Variants in SPATA22 observed in about 807,000 individuals in gnomAD.
SPATA22 encodes the protein spermatogenesis associated 22.
In SPATA22, 29 loss-of-function variants were observed where a neutral mutation model predicts 47.8. The ratio of observed to expected loss-of-function variants is 0.61; its 90% CI spans 0.45 to 0.83. The LOEUF is 0.83. SPATA22 is among the 40% of genes least tolerant of loss of function. The pLI is 0.00. For synonymous variants in SPATA22, 133 were observed against 140.9 expected (o/e 0.94, Z 0.40); for missense variants, 410 against 421.7 (o/e 0.97, Z 0.24).
chr17:3,493,851 T>A lies in SPATA22; in HGVS notation c.-74+19561A>T, dbSNP rs894506809. 1.7e-4 allele frequency among the ~76,000 whole-genome samples: 26 copies of A among 152,290 alleles called. No homozygotes were observed. In the South Asian group the frequency reaches 1.9e-3, roughly 11 times the overall value. On this transcript the variant is annotated intron_variant, in intron 1 of 8. Transcript: ENST00000541913. ...CTTTTTCAGTTCTGTTTTCTACCTCTGGCCGTCGGCGTGTTTGTGGACAGA... is the reference window on the plus strand; with the variant it reads ...CTTTTTCAGTTCTGTTTTCTACCTCAGGCCGTCGGCGTGTTTGTGGACAGA...
intron 1 of SPATA22, among the ~76,000 whole-genome samples, chr17:3,505,365 A>G (rs557028769): frequency 2.8e-4 from 42 of 152,380 alleles, no homozygotes; most frequent in African/African-American, 8.2e-4. Context: ...CACTTCACGC[A>G]TAGAAGGAGC....
intron 1 of SPATA22, among the ~76,000 whole-genome samples, chr17:3,483,334 T>A (rs1440069606): frequency 6.6e-6 from 1 of 152,228 alleles, no homozygotes; most frequent in Non-Finnish European, 1.5e-5. Context: ...TATTTGTATG[T>A]TTTCAAAGCT....
chr17:3,499,137 G>A (rs1367417366), intron 1 of SPATA22: 1 of 1,574,664 alleles, frequency 6.4e-7, no homozygotes, highest in Non-Finnish European at 8.7e-7. Context: ...AATTCTGCTA[G>A]TCTGTAAGCT....
Position 3,448,914 on chromosome 17 carries a change from T to A in SPATA22, c.565A>T (p.Arg189Ter), listed in dbSNP as rs779256490. 5.0e-6 allele frequency: 8 copies of A among 1,614,000 alleles called. No individual in the cohort carries two copies. Among genetic ancestry groups the A allele is most frequent in the Non-Finnish European group, 6.8e-6 (8 of 1,179,998 alleles). ...AGTGCACTGTTTTTGTCTAGCCCTCTCATTGTGCAGCCAGATATTTTTGAT... is the reference window on the plus strand; with the variant it reads ...AGTGCACTGTTTTTGTCTAGCCCTCACATTGTGCAGCCAGATATTTTTGAT... ...HSSKISGCTM[R>*]GLDKNSALQT... The change falls in exon 6 of 9, where the codon AGA becomes TGA. Residue 189 changes from arginine to a stop codon, truncating the protein, a stop_gained. Coordinates refer to ENST00000572969, the MANE Select transcript of SPATA22 (RefSeq NM_001170698.2). LOFTEE classifies it high-confidence loss of function.
intron 5 of SPATA22, among the ~76,000 whole-genome samples, chr17:3,456,521 A>G (rs1344824689): frequency 1.3e-5 from 2 of 151,850 alleles, no homozygotes; most frequent in Non-Finnish European, 2.9e-5. Flanking sequence ...CTCTGAATAG[A>G]CCAATAACAG....
rs376854191 is a variant in SPATA22, at chr17:3,499,074, T to G, written c.-74+14338A>C. Reference sequence around the variant, plus strand: ...AACGCTCAATGCAAAAAGTATTCGCTGCTGTTTACATTAGAAATCACTTCC... The same window carrying G: ...AACGCTCAATGCAAAAAGTATTCGCGGCTGTTTACATTAGAAATCACTTCC... On this transcript the variant is annotated intron_variant, in intron 1 of 8. Coordinates refer to the SPATA22 transcript ENST00000541913. The G allele has an allele frequency of 1.7e-5, 28 of 1,614,044 alleles. No homozygotes were observed. Among genetic ancestry groups the G allele is most frequent in the Middle Eastern group, 3.3e-4 (2 of 6,062 alleles).
At chr17:3,493,999 T>A (rs2073868510) in intron 1 of SPATA22, among the ~76,000 whole-genome samples, 2 of 151,796 alleles carry the variant, frequency 1.3e-5, no homozygotes, top group South Asian at 4.2e-4. Context: ...GTTGTTATTA[T>A]TGTTTCTTCC....
intron 7 of SPATA22, among the ~76,000 whole-genome samples, chr17:3,444,126 T>C (rs781180914): frequency 1.6e-4 from 24 of 152,096 alleles, no homozygotes; most frequent in Non-Finnish European, 2.4e-4. Context: ...GAAACTATTA[T>C]GAAGTGACAG....
chr17:3,498,571 TC>T (rs1798157436), intron 1 of SPATA22, among the ~76,000 whole-genome samples: 1 of 152,124 alleles, frequency 6.6e-6, no homozygotes, highest in Non-Finnish European at 1.5e-5. Context: ...GGTTTTGAAC[TC>T]CTAGGCTCAA....
At chr17:3,461,591 A>G (rs35156865) in intron 5 of SPATA22, among the ~76,000 whole-genome samples, 35,564 of 152,092 alleles carry the variant, frequency 0.23, 4,423 homozygotes, top group East Asian at 0.42. Flanking sequence ...AGAAACTGAC[A>G]GACTGGTCCT....
At chr17:3,505,701 CAG>C (rs771899667) in intron 1 of SPATA22, among the ~76,000 whole-genome samples, 56 of 151,872 alleles carry the variant, frequency 3.7e-4, no homozygotes, top group Non-Finnish European at 6.0e-4. Flanking sequence ...CCGACAAAAA[CAG>C]AGTCTGGAGG....
intron 1 of SPATA22, among the ~76,000 whole-genome samples, chr17:3,504,554 CT>C (rs34155812): frequency 0.42 from 57,257 of 137,942 alleles, 12,074 homozygotes; most frequent in African/African-American, 0.51. Flanking sequence ...ATTTTCTTTT[CT>C]TTTTTTTTTT....
intron 1 of SPATA22, among the ~76,000 whole-genome samples, chr17:3,507,657 G>A (rs143792266): frequency 1.1e-4 from 17 of 152,176 alleles, no homozygotes; most frequent in Middle Eastern, 3.2e-3. Context: ...ATGTCATTCC[G>A]TCTGTCTCCA....
intron 1 of SPATA22, among the ~76,000 whole-genome samples, chr17:3,497,418 C>G (rs900643669): frequency 1.3e-5 from 2 of 152,162 alleles, no homozygotes; most frequent in African/African-American, 4.8e-5. Flanking sequence ...CTGAAAGAAG[C>G]ACGTATCCTG....
rs768488559 is a variant in SPATA22, at chr17:3,481,528, C to T, written c.-73-12130G>A. 10 of 1,390,008 alleles carry T rather than the reference C, an allele frequency of 7.2e-6. No individual in the cohort carries two copies. The East Asian group carries it at 2.4e-4, about 34-fold the overall frequency. 86.1% of individuals were successfully genotyped at this position (1,390,008 alleles called of 1,614,324 possible). A position where few individuals can be genotyped will look rare whatever the true frequency, so the allele number is the denominator to read the frequency against. ...AAGATTTGGCGACTGGTTCTTTTTA[C>T]ACTGTGTTCTTATTATATGTTTATA... On this transcript the variant is annotated intron_variant, in intron 1 of 8. Transcript: ENST00000541913.
At chr17:3,496,803 A>G (rs1001107305) in intron 1 of SPATA22, among the ~76,000 whole-genome samples, 3 of 152,342 alleles carry the variant, frequency 2.0e-5, no homozygotes, top group Admixed American at 6.5e-5. Flanking sequence ...GCGGTGGCTC[A>G]CGCCTGTAAT....
intron 1 of SPATA22, chr17:3,498,873 T>C (rs1380738901): frequency 1.3e-6 from 2 of 1,519,298 alleles, no homozygotes; most frequent in African/African-American, 1.4e-5. Context: ...TATATTTATT[T>C]TGATTGTTTC....
intron 1 of SPATA22, among the ~76,000 whole-genome samples, chr17:3,498,328 C>A (rs2073942038): frequency 6.6e-6 from 1 of 152,044 alleles, no homozygotes; most frequent in Non-Finnish European, 1.5e-5. Flanking sequence ...TCAAGGTAAA[C>A]CTGGTATTGA....
intron 3 of SPATA22, among the ~76,000 whole-genome samples, chr17:3,465,179 C>A (rs2073267215): frequency 7.2e-6 from 1 of 139,346 alleles, no homozygotes; most frequent in Admixed American, 7.0e-5. Flanking sequence ...CCCGCCCGGC[C>A]AGCCGCCTCG....
Sources: allele counts gnomAD v4.1 joint callset (sites outside exome capture counted in the v4.1 genomes callset), GRCh38; gene constraint gnomAD v4.1.1; transcripts MANE v1.5; gene names NCBI Gene and HGNC (gene_info 2026-07-23, HGNC 2026-07-21).